ADCY7: variants seen among roughly 807,000 people sequenced by gnomAD.
ADCY7 encodes the protein adenylate cyclase 7.
A neutral mutation model predicts 120.6 loss-of-function variants in ADCY7; 72 were observed. The ratio of observed to expected loss-of-function variants is 0.60; its 90% confidence interval spans 0.49 to 0.73. The LOEUF is 0.73. Ranked by LOEUF, ADCY7 falls within the 30% of genes least tolerant of loss-of-function variation. The probability of loss-of-function intolerance (pLI) is 0.00; values close to 1 mark genes in which losing one functional copy is unlikely to be tolerated. For synonymous variants in ADCY7, 661 were observed against 628.0 expected, an observed-to-expected ratio of 1.05 and a Z score of -0.78; for missense variants, 1,227 against 1,486.0, an observed-to-expected ratio of 0.83 and a Z score of 2.87.
At chr16:50,283,321 C>T (rs1480142611) in intron 1 of ADCY7, among the ~76,000 whole-genome samples, 1 of 152,204 alleles carries the variant, frequency 6.6e-6, no homozygotes, top group Non-Finnish European at 1.5e-5. Context: ...GTTGCCAGGC[C>T]CCTGTCTTGT....
intron 1 of ADCY7, among the ~76,000 whole-genome samples, chr16:50,269,068 A>G (rs2033394792): frequency 6.6e-6 from 1 of 152,244 alleles, no homozygotes; most frequent in Non-Finnish European, 1.5e-5. Context: ...CAAAAGAGAC[A>G]AAAGTCCGAC....
rs2036001013 is a variant in ADCY7 at position 50,305,531 on chromosome 16, G to T, written c.1624G>T (p.Asp542Tyr). ...RSMSPKGRSE[D>Y]DSYDDEMLSA... Reference sequence around the variant, plus strand: ...CATGTCCCCCAAGGGGCGGTCGGAGGATGACTCGTACGATGACGAGATGCT... The same window carrying T: ...CATGTCCCCCAAGGGGCGGTCGGAGTATGACTCGTACGATGACGAGATGCT... Residue 542 changes from aspartate to tyrosine, a missense_variant, in exon 13 of 26, where the codon GAT (aspartate) becomes TAT (tyrosine). Asp to Tyr is a radical substitution (Grantham distance 160, BLOSUM62 -3). Coordinates refer to ENST00000673801, the MANE Select transcript of ADCY7 (RefSeq NM_001114.5). The T allele has an allele frequency of 6.2e-7, 1 of 1,611,404 alleles. No individual in the cohort carries two copies. Among genetic ancestry groups the T allele is most frequent in the Non-Finnish European group, 8.5e-7 (1 of 1,178,672 alleles).
chr16:50,313,093 G>A (rs2036574934), intron 22 of ADCY7, 57 bp downstream of exon 22: 1 of 1,601,772 alleles, frequency 6.2e-7, no homozygotes, highest in East Asian at 2.2e-5. Flanking sequence ...GAGAGGGAAG[G>A]GCGGTGGCAC....
intron 14 of ADCY7, 73 bp from the exon 15 acceptor site, chr16:50,306,977 G>A: frequency 8.3e-7 from 1 of 1,208,134 alleles, no homozygotes; most frequent in Non-Finnish European, 1.2e-6. Context: ...TTTTTTTAAA[G>A]CTGATTCACT....
In ADCY7 at chr16:50,310,643, C is replaced by T. The variant is rs754057485; in HGVS notation, c.2161-44C>T. 4.5e-5 allele frequency: 73 copies of T among 1,606,590 alleles called. No homozygotes were observed. In the Middle Eastern group the frequency reaches 5.0e-4, roughly 11 times the overall value. ...ATGTGCTGGGCTGGAGGCGAGAGTA[C>T]GTGGTGGGGTGGCCCTGTCCTGAGT... On this transcript the variant is annotated intron_variant, in intron 18 of 25. Transcript: ENST00000673801.
intron 21 of ADCY7, 70 bp from the exon 22 acceptor site, chr16:50,312,820 T>C (rs576538327): frequency 1.4e-6 from 2 of 1,442,214 alleles, no homozygotes; most frequent in African/African-American, 1.7e-5. Flanking sequence ...CATCTGCTCC[T>C]GAGGCCTTGC....
chr16:50,309,295 G>A (rs186836187), intron 17 of ADCY7: 49 of 472,854 alleles, frequency 1.0e-4, no homozygotes, highest in East Asian at 7.4e-4. Context: ...TGAAAATGTT[G>A]GTCCCGGCCC....
Position 50,308,681 on chromosome 16 carries a change from T to G in ADCY7, c.1950T>G (p.Ala650=), listed in dbSNP as rs749261254. 6.2e-7 allele frequency: 1 copy of G among 1,613,062 alleles called. No homozygotes were observed. Among genetic ancestry groups the G allele is most frequent in the Non-Finnish European group, 8.5e-7 (1 of 1,179,640 alleles). The change falls in exon 17 of 26, where the codon GCT becomes GCG. Residue 650 remains alanine (A), a synonymous_variant. Coordinates refer to ENST00000673801, the MANE Select transcript of ADCY7 (RefSeq NM_001114.5). ...FATKFSRCCP[A]RGTLCTISER... ...TTACCCCACAGAGGTGCTGCCCAGC[T>G]CGGGGGACGCTCTGCACTATCTCTG...
In ADCY7 at chr16:50,311,026, G is replaced by C. The variant is rs548561321; in HGVS notation, c.2354+146G>C. 1.1e-4 allele frequency: 91 copies of C among 858,814 alleles called. No individual in the cohort carries two copies. In the African/African-American group the frequency reaches 1.5e-3, roughly 14 times the overall value. The allele number at this position is 858,814 out of a possible 1,614,324, so 53.2% of individuals were successfully genotyped here. On this transcript the variant is annotated intron_variant, in intron 19 of 25. Transcript: ENST00000673801. Reference sequence around the variant, plus strand: ...CAGATGGTGTCCAGCGCTCAGAGCCGAGGAATTCACTGGCAGGTTCTTTAG... The same window carrying C: ...CAGATGGTGTCCAGCGCTCAGAGCCCAGGAATTCACTGGCAGGTTCTTTAG...
At chr16:50,281,963 C>T (rs1051413406) in intron 1 of ADCY7, among the ~76,000 whole-genome samples, 6 of 152,168 alleles carry the variant, frequency 3.9e-5, no homozygotes, top group Non-Finnish European at 7.3e-5. Context: ...ACCGGGGGCG[C>T]GAGACGGAGC....
In ADCY7 at chr16:50,312,201, G is replaced by T; in HGVS notation, c.2604+10G>T. 2 of 1,603,388 alleles carry T rather than the reference G, an allele frequency of 1.2e-6. No homozygotes were observed. Among genetic ancestry groups the T allele is most frequent in the Non-Finnish European group, 1.7e-6 (2 of 1,177,342 alleles). On this transcript the variant is annotated intron_variant, in intron 21 of 25. Coordinates refer to ENST00000673801, the MANE Select transcript of ADCY7 (RefSeq NM_001114.5). ...TGACAAGTTAAACGAGGTGTGCTGAGAAGGGGCTGGGGCGGGGGCAGGGAG... is the reference window on the plus strand; with the variant it reads ...TGACAAGTTAAACGAGGTGTGCTGATAAGGGGCTGGGGCGGGGGCAGGGAG...
At chr16:50,258,658 A>C (rs2032982061) in intron 1 of ADCY7, among the ~76,000 whole-genome samples, 1 of 150,704 alleles carries the variant, frequency 6.6e-6, no homozygotes, top group African/African-American at 2.4e-5. Flanking sequence ...CAGTGGCTCA[A>C]TTATAGCTCA....
chr16:50,269,104 C>A (rs956009007), intron 1 of ADCY7, among the ~76,000 whole-genome samples: 1 of 152,182 alleles, frequency 6.6e-6, no homozygotes, highest in Non-Finnish European at 1.5e-5. Context: ...GGGACATGCA[C>A]CCCACTCTAC....
chr16:50,293,910 G>T (rs982543440), intron 6 of ADCY7, among the ~76,000 whole-genome samples: 5 of 152,192 alleles, frequency 3.3e-5, no homozygotes, highest in Admixed American at 6.5e-5. Context: ...TGGCTGATTT[G>T]CAGGGAACCA....
intron 14 of ADCY7, among the ~76,000 whole-genome samples, 163 bp from the exon 15 acceptor site, chr16:50,306,887 T>C (rs2036102140): frequency 6.6e-6 from 1 of 152,158 alleles, no homozygotes; most frequent in African/African-American, 2.4e-5. Context: ...CTCAAACTAC[T>C]GGGCTCAAGT....
At position 50,296,334 on chromosome 16, in the gene ADCY7, T is replaced by C. The variant is rs184549423; in HGVS notation, c.948+1583T>C. Among the ~76,000 whole-genome samples the C allele has an allele frequency of 2.1e-3, 321 of 150,912 alleles. 1 individual carries two copies. Among genetic ancestry groups the C allele is most frequent in the African/African-American group, 7.3e-3 (300 of 41,102 alleles). On this transcript the variant is annotated intron_variant, in intron 7 of 25. Transcript: ENST00000673801. Reference sequence around the variant, plus strand: ...TCCCAAAGTGCTAGGATTACAGGCATGCACCATCATGCCCTGCCCCATCAG... The same window carrying C: ...TCCCAAAGTGCTAGGATTACAGGCACGCACCATCATGCCCTGCCCCATCAG...
intron 20 of ADCY7, 90 bp downstream of exon 20, chr16:50,311,876 G>C (rs2036504143): frequency 6.9e-7 from 1 of 1,456,120 alleles, no homozygotes; most frequent in South Asian, 1.2e-5. Flanking sequence ...GTGGGCTCAG[G>C]TGGAGTAGCA....
intron 13 of ADCY7, 51 bp downstream of exon 13, chr16:50,305,637 G>A: frequency 1.3e-6 from 2 of 1,559,836 alleles, no homozygotes; most frequent in East Asian, 2.3e-5. Context: ...CCTCGGATAG[G>A]GGTCCCCTAT....
chr16:50,298,212 G>A (rs1434722596), intron 7 of ADCY7, among the ~76,000 whole-genome samples: 1 of 152,030 alleles, frequency 6.6e-6, no homozygotes, highest in Non-Finnish European at 1.5e-5. Flanking sequence ...CCCTTGGTGT[G>A]TACACCTGTG....
Sources: gnomAD v4.1 joint callset for allele counts (sites outside exome capture counted in the v4.1 genomes callset) on GRCh38, gnomAD v4.1.1 for gene constraint, MANE v1.5 for transcripts, NCBI Gene and HGNC (gene_info 2026-07-23, HGNC 2026-07-21) for gene names.